The following C10orf90 variants were observed in gnomAD, a reference collection of about 807,000 sequenced individuals.
C10orf90 encodes (E2-independent) E3 ubiquitin-conjugating enzyme FATS.
C10orf90 carries 56 observed loss-of-function variants against 62.5 expected under a neutral mutation model. That is an observed-to-expected ratio of 0.90 (90% CI 0.72 to 1.12). The LOEUF is 1.12. Ranked by LOEUF, C10orf90 falls within the 50% of genes most tolerant of loss-of-function variation. C10orf90 has a pLI of 0.00. For synonymous variants in C10orf90, 386 were observed against 340.4 expected, an observed-to-expected ratio of 1.13 and a Z score of -1.47; for missense variants, 970 against 880.4, an observed-to-expected ratio of 1.10 and a Z score of -1.29.
At chr10:126,566,226 T>C (rs1441173836) in intron 2 of C10orf90, among the ~76,000 whole-genome samples, 1 of 152,192 alleles carries the variant, frequency 6.6e-6, no homozygotes, top group Non-Finnish European at 1.5e-5. Context: ...GGTTATAGAA[T>C]GGATCAAATG....
intron 6 of C10orf90, among the ~76,000 whole-genome samples, chr10:126,460,590 A>G (rs994777441): frequency 6.6e-6 from 1 of 152,234 alleles, no homozygotes; most frequent in Non-Finnish European, 1.5e-5. Flanking sequence ...AGAGAGTTCC[A>G]TGCCTAAAGA....
intron 2 of C10orf90, among the ~76,000 whole-genome samples, chr10:126,528,980 G>T (rs1327822262): frequency 6.6e-6 from 1 of 152,140 alleles, no homozygotes; most frequent in African/African-American, 2.4e-5. Context: ...GAGAAGAAAG[G>T]TAGGTCATTG....
At chr10:126,465,036 A>G in intron 4 of C10orf90, 50 bp from the exon 5 acceptor site, 2 of 1,568,796 alleles carry the variant, frequency 1.3e-6, no homozygotes, top group African/African-American at 2.7e-5. Flanking sequence ...AATCCAATCT[A>G]ATGTACTGAC....
intron 2 of C10orf90, chr10:126,521,407 T>C (rs1863737350): frequency 8.7e-6 from 14 of 1,600,870 alleles, no homozygotes; most frequent in Non-Finnish European, 1.1e-5. Flanking sequence ...AAGAAAAAAA[T>C]GTCCGGAGTT....
intron 2 of C10orf90, among the ~76,000 whole-genome samples, chr10:126,565,260 T>A: frequency 1.6e-5 from 1 of 63,100 alleles, no homozygotes; most frequent in East Asian, 5.2e-4. Flanking sequence ...TTATATTATA[T>A]ATTTATATTA....
At position 126,425,420 on chromosome 10, in the gene C10orf90, G is replaced by T. The variant is rs552332295; in HGVS notation, c.*444C>A. 5.7e-4 allele frequency: 101 copies of T among 176,984 alleles called. No homozygotes were observed. The highest frequency in any genetic ancestry group is 2.1e-3 in the African/African-American group (90 of 42,086). 11.0% of individuals were successfully genotyped at this position (176,984 alleles called of 1,614,324 possible). ...TATACTATATGATGACCCACATTTT[G>T]GCATTTGCATAACTGGCAGGTGCTG... is the stretch of plus-strand genomic sequence containing the variant. On this transcript the variant is annotated 3_prime_UTR_variant, in exon 10 of 10. Coordinates refer to ENST00000488181, the MANE Select transcript of C10orf90 (RefSeq NM_001350921.2).
intron 2 of C10orf90, among the ~76,000 whole-genome samples, chr10:126,626,315 C>T (rs2133822848): frequency 6.6e-6 from 1 of 152,202 alleles, no homozygotes; most frequent in South Asian, 2.1e-4. Flanking sequence ...GGGGTTCTTC[C>T]TTCATTGTGA....
chr10:126,576,737 T>TAC (rs1160594738), intron 2 of C10orf90, among the ~76,000 whole-genome samples: 6 of 57,672 alleles, frequency 1.0e-4, no homozygotes, highest in African/African-American at 3.9e-4. Flanking sequence ...TATATATGTA[T>TAC]ATGTATATAT....
At chr10:126,444,825 C>G (rs1374318014) in intron 7 of C10orf90, among the ~76,000 whole-genome samples, 2 of 151,990 alleles carry the variant, frequency 1.3e-5, no homozygotes, top group Non-Finnish European at 2.9e-5. Context: ...AAAATAGGCA[C>G]ATAGAACAAT....
At chr10:126,565,007 A>ATATATTATATAT (rs1844297069) in intron 2 of C10orf90, among the ~76,000 whole-genome samples, 2 of 13,522 alleles carry the variant, frequency 1.5e-4, no homozygotes, top group Non-Finnish European at 3.0e-4. Flanking sequence ...TATATATAAT[A>ATATATTATATAT]TATATAATAT....
At chr10:126,577,129 A>G (rs1844643826) in intron 2 of C10orf90, among the ~76,000 whole-genome samples, 2 of 151,936 alleles carry the variant, frequency 1.3e-5, no homozygotes, top group African/African-American at 4.8e-5. Flanking sequence ...ATCATTTTAA[A>G]TAGCTGGGAG....
chr10:126,650,016 G>T (rs904045140), intron 1 of C10orf90, among the ~76,000 whole-genome samples: 1 of 152,066 alleles, frequency 6.6e-6, no homozygotes, highest in Admixed American at 6.5e-5. Flanking sequence ...GAGGGGAGAG[G>T]GAGGGAAAGG....
At chr10:126,636,347 A>G (rs1311703117) in intron 2 of C10orf90, among the ~76,000 whole-genome samples, 3 of 152,188 alleles carry the variant, frequency 2.0e-5, no homozygotes, top group Non-Finnish European at 4.4e-5. Context: ...TCAGCGTACC[A>G]CACACAGAGA....
At chr10:126,479,425 G>A (rs1379276906) in intron 4 of C10orf90, among the ~76,000 whole-genome samples, 1 of 152,212 alleles carries the variant, frequency 6.6e-6, no homozygotes, top group Non-Finnish European at 1.5e-5. Context: ...GGGATTTCTG[G>A]TAAGTCATGC....
chr10:126,471,958 C>T (rs1564816503), intron 4 of C10orf90, among the ~76,000 whole-genome samples: 1 of 152,026 alleles, frequency 6.6e-6, no homozygotes, highest in African/African-American at 2.4e-5. Context: ...CACACTCATG[C>T]CCATTTCCTA....
chr10:126,652,677 G>A (rs1846314372), intron 1 of C10orf90, among the ~76,000 whole-genome samples: 1 of 152,156 alleles, frequency 6.6e-6, no homozygotes, highest in African/African-American at 2.4e-5. Context: ...GCACTTGGCT[G>A]GAGATTTCTA....
At chr10:126,559,915 G>C (rs1284881471) in intron 2 of C10orf90, among the ~76,000 whole-genome samples, 1 of 152,150 alleles carries the variant, frequency 6.6e-6, no homozygotes, top group Non-Finnish European at 1.5e-5. Flanking sequence ...AAGAGTTTCA[G>C]AGAAAATGCA....
At chr10:126,569,945 C>T (rs1300630695) in intron 2 of C10orf90, among the ~76,000 whole-genome samples, 2 of 152,004 alleles carry the variant, frequency 1.3e-5, no homozygotes, top group Non-Finnish European at 2.9e-5. Context: ...AACAATGCTG[C>T]TTTTTAGCTG....
At chr10:126,572,496 T>C (rs1050868685) in intron 2 of C10orf90, among the ~76,000 whole-genome samples, 1 of 152,106 alleles carries the variant, frequency 6.6e-6, no homozygotes, top group Non-Finnish European at 1.5e-5. Context: ...TGGATTATTC[T>C]TGCCTCCCCT....
Sources: allele counts gnomAD v4.1 joint callset (sites outside exome capture counted in the v4.1 genomes callset), GRCh38; gene constraint gnomAD v4.1.1; transcripts MANE v1.5; gene names NCBI Gene and HGNC (gene_info 2026-07-23, HGNC 2026-07-21).